EML4: variants seen among roughly 807,000 people sequenced by gnomAD.
EML4 encodes the protein EMAP like 4.
EML4 carries 72 observed loss-of-function variants against 129.0 expected under a neutral mutation model. That is an observed-to-expected ratio of 0.56 (90% CI 0.46 to 0.68). The LOEUF is 0.68. Ranked by LOEUF, EML4 falls within the 30% of genes least tolerant of loss-of-function variation. EML4 has a pLI of 0.00. For synonymous variants in EML4, 532 were observed against 405.0 expected (o/e 1.31, Z -3.77); for missense variants, 1,363 against 1,190.6 (o/e 1.14, Z -2.13).
intron 2 of EML4, among the ~76,000 whole-genome samples, chr2:42,252,287 A>G (rs1329008990): frequency 4.6e-5 from 7 of 152,158 alleles, no homozygotes; most frequent in African/African-American, 1.2e-4. Flanking sequence ...ACTATAGTGA[A>G]TAGCATTCTT....
chr2:42,232,443 C>A (rs1572593028), intron 1 of EML4, among the ~76,000 whole-genome samples: 2 of 152,174 alleles, frequency 1.3e-5, no homozygotes, highest in African/African-American at 2.4e-5. Context: ...AAAACTACAG[C>A]CTTACATTTG....
intron 1 of EML4, among the ~76,000 whole-genome samples, chr2:42,244,948 A>G (rs763280583): frequency 2.0e-5 from 3 of 152,058 alleles, no homozygotes; most frequent in Non-Finnish European, 4.4e-5. Context: ...GGGAAATTTG[A>G]CCGTGGGGAC....
intron 6 of EML4, among the ~76,000 whole-genome samples, chr2:42,271,689 G>A (rs908775259): frequency 2.0e-5 from 3 of 151,696 alleles, no homozygotes; most frequent in Admixed American, 2.0e-4. Context: ...CAAATTACGC[G>A]TATTTTTGCT....
chr2:42,218,676 G>A (rs1673358994), intron 1 of EML4, among the ~76,000 whole-genome samples: 1 of 152,106 alleles, frequency 6.6e-6, no homozygotes. Flanking sequence ...TTTCCTACTC[G>A]GTTCCTATCC....
chr2:42,234,017 A>G (rs954903007), intron 1 of EML4, among the ~76,000 whole-genome samples: 1 of 152,244 alleles, frequency 6.6e-6, no homozygotes, highest in Non-Finnish European at 1.5e-5. Context: ...GAATATTTGC[A>G]TAGTGCATTA....
intron 1 of EML4, among the ~76,000 whole-genome samples, chr2:42,224,756 CATT>C (rs1178002078): frequency 6.6e-6 from 1 of 152,062 alleles, no homozygotes; most frequent in Non-Finnish European, 1.5e-5. Context: ...AGTGGCATCT[CATT>C]ATGATTTTTT....
intron 1 of EML4, among the ~76,000 whole-genome samples, chr2:42,214,723 G>A (rs1293602588): frequency 6.6e-6 from 1 of 151,936 alleles, no homozygotes; most frequent in Non-Finnish European, 1.5e-5. Flanking sequence ...TGGTGCGTTA[G>A]CCGGGATGGC....
chr2:42,218,087 G>A (rs1673315744), intron 1 of EML4, among the ~76,000 whole-genome samples: 1 of 152,166 alleles, frequency 6.6e-6, no homozygotes, highest in Non-Finnish European at 1.5e-5. Flanking sequence ...TGAGCAGTGG[G>A]TGAGTGAGCA....
rs188698501 is a variant in EML4 at position 42,328,288 on chromosome 2, C to G, written c.2342-598C>G. On this transcript the variant is annotated intron_variant, in intron 21 of 22. Transcript: ENST00000318522. ...AGAGGTTTGTGAAAATTATGTTCGA[C>G]ATGATCATTAGTGCTGCATAATGAT... 3.2e-4 allele frequency among the ~76,000 whole-genome samples: 48 copies of G among 152,302 alleles called. 1 individual carries two copies. Among genetic ancestry groups the G allele is most frequent in the African/African-American group, 1.1e-3 (45 of 41,582 alleles).
intron 6 of EML4, among the ~76,000 whole-genome samples, chr2:42,268,849 T>C (rs1213405536): frequency 6.6e-6 from 1 of 152,188 alleles, no homozygotes; most frequent in Non-Finnish European, 1.5e-5. Flanking sequence ...AAATTTAATT[T>C]TTCTCTTGTA....
chr2:42,276,758 G>C (rs912503142), intron 6 of EML4, among the ~76,000 whole-genome samples: 4 of 152,152 alleles, frequency 2.6e-5, no homozygotes, highest in Non-Finnish European at 5.9e-5. Flanking sequence ...TTAACAAAGC[G>C]TGAAGCTAAG....
At chr2:42,312,030 T>A (rs1668982111) in intron 17 of EML4, among the ~76,000 whole-genome samples, 1 of 152,106 alleles carries the variant, frequency 6.6e-6, no homozygotes, top group Non-Finnish European at 1.5e-5. Context: ...CTTTTTGAAA[T>A]GAAAATAATT....
intron 1 of EML4, among the ~76,000 whole-genome samples, chr2:42,239,471 C>T (rs1358147270): frequency 6.6e-6 from 1 of 152,118 alleles, no homozygotes; most frequent in East Asian, 1.9e-4. Context: ...ATAAAGTTTA[C>T]GAAGTCACAT....
chr2:42,191,718 T>C (rs569805764), intron 1 of EML4, among the ~76,000 whole-genome samples: 1 of 152,352 alleles, frequency 6.6e-6, no homozygotes, highest in South Asian at 2.1e-4. Flanking sequence ...CAGTTCTCTT[T>C]GCCGTTGCCA....
At chr2:42,182,216 G>C (rs1670988050) in intron 1 of EML4, among the ~76,000 whole-genome samples, 1 of 142,246 alleles carries the variant, frequency 7.0e-6, no homozygotes, top group African/African-American at 2.7e-5. Context: ...GTGCAGGTTA[G>C]TTACATATGT....
intron 1 of EML4, among the ~76,000 whole-genome samples, chr2:42,218,574 A>G (rs995050594): frequency 6.6e-6 from 1 of 152,252 alleles, no homozygotes; most frequent in African/African-American, 2.4e-5. Context: ...TCTCTCATGT[A>G]TATGGATCTT....
chr2:42,269,695 C>T (rs989738580), intron 6 of EML4, among the ~76,000 whole-genome samples: 1 of 152,026 alleles, frequency 6.6e-6, no homozygotes, highest in Admixed American at 6.6e-5. Context: ...ACAGAGGAAG[C>T]CGTTCATAAA....
chr2:42,176,978 G>A (rs1268561310), intron 1 of EML4, among the ~76,000 whole-genome samples: 1 of 152,044 alleles, frequency 6.6e-6, no homozygotes, highest in African/African-American at 2.4e-5. Context: ...ATTTTTAGTA[G>A]AGACGGGTTT....
chr2:42,172,103 G>A (rs1386651774), intron 1 of EML4, among the ~76,000 whole-genome samples: 2 of 151,814 alleles, frequency 1.3e-5, no homozygotes, highest in African/African-American at 2.4e-5. Context: ...AAGTTCTTCT[G>A]GGGTTACAAC....
Sources: allele counts gnomAD v4.1 joint callset (sites outside exome capture counted in the v4.1 genomes callset), GRCh38; gene constraint gnomAD v4.1.1; transcripts MANE v1.5; gene names NCBI Gene and HGNC (gene_info 2026-07-23, HGNC 2026-07-21).